Variants in CCDC171 observed in about 807,000 individuals in gnomAD.
CCDC171 encodes coiled-coil domain containing 171, also known as coiled-coil domain-containing protein 171.
CCDC171 carries 177 observed loss-of-function variants against 168.2 expected under a neutral mutation model. The ratio of observed to expected loss-of-function variants is 1.05; its 90% confidence interval spans 0.93 to 1.19. CCDC171 has a LOEUF of 1.19. Ranked by LOEUF, CCDC171 falls within the 50% of genes most tolerant of loss-of-function variation. CCDC171 has a pLI of 0.00. For synonymous variants in CCDC171, 687 were observed against 540.8 expected, an observed-to-expected ratio of 1.27 and a Z score of -3.75; for missense variants, 1,991 against 1,539.0, an observed-to-expected ratio of 1.29 and a Z score of -4.91.
At chr9:15,896,822 A>C (rs1484538565) in intron 24 of CCDC171, among the ~76,000 whole-genome samples, 1 of 152,078 alleles carries the variant, frequency 6.6e-6, no homozygotes, top group Non-Finnish European at 1.5e-5. Flanking sequence ...TAAAGGAATA[A>C]AATTCTTGTA....
chr9:15,607,616 C>G (rs1251105204), intron 6 of CCDC171, among the ~76,000 whole-genome samples: 1 of 152,010 alleles, frequency 6.6e-6, no homozygotes, highest in African/African-American at 2.4e-5. Flanking sequence ...CACGTGTCAC[C>G]ACACCTGGCT....
downstream of CCDC171, among the ~76,000 whole-genome samples, chr9:16,066,589 C>G (rs1833993333): frequency 6.8e-6 from 1 of 147,598 alleles, no homozygotes; most frequent in African/African-American, 2.5e-5. Context: ...TTAGGTATAT[C>G]TCCCGATGCT....
chr9:15,629,248 A>G (rs1010176619), intron 7 of CCDC171, among the ~76,000 whole-genome samples: 1 of 152,234 alleles, frequency 6.6e-6, no homozygotes, highest in South Asian at 2.1e-4. Context: ...ACAAGAGGAA[A>G]TTCAAACCAA....
the CCDC171 span, among the ~76,000 whole-genome samples, chr9:16,074,276 G>A: frequency 6.6e-6 from 1 of 152,180 alleles, no homozygotes; most frequent in African/African-American, 2.4e-5. Context: ...ATCTCCAACA[G>A]CATTCTCTTT....
chr9:15,736,409 C>T (rs1463056782), intron 16 of CCDC171, among the ~76,000 whole-genome samples: 4 of 151,628 alleles, frequency 2.6e-5, no homozygotes, highest in East Asian at 1.9e-4. Context: ...AGAGGTCAGT[C>T]GTGCGATCAT....
chr9:15,786,628 TGACC>T (rs1225638183), intron 21 of CCDC171, among the ~76,000 whole-genome samples: 5 of 152,146 alleles, frequency 3.3e-5, no homozygotes, highest in Non-Finnish European at 7.3e-5. Context: ...GAAACATCTG[TGACC>T]TGCACATATA....
chr9:15,880,725 C>T (rs1818535850), intron 24 of CCDC171, among the ~76,000 whole-genome samples: 2 of 151,892 alleles, frequency 1.3e-5, no homozygotes, highest in Admixed American at 6.6e-5. Context: ...ATTCACCCGC[C>T]TCAGCCTCCC....
Position 15,973,824 on chromosome 9 carries a change from T to C in CCDC171, c.*1988T>C, listed in dbSNP as rs143278997. ...TGTGATATCACTGAGCTTACAATTC[T>C]CACTAGAGAAGAACAAGGTTACTAT... On this transcript the variant is annotated 3_prime_UTR_variant, in exon 26 of 26. Coordinates refer to ENST00000380701, the MANE Select transcript of CCDC171 (RefSeq NM_173550.4). 6.6e-6 allele frequency: 1 copy of C among 152,296 alleles called. No individual in the cohort carries two copies. Among genetic ancestry groups the C allele is most frequent in the Non-Finnish European group, 1.5e-5 (1 of 68,016 alleles). 9.4% of individuals were successfully genotyped at this position (152,296 alleles called of 1,614,324 possible). A position where few individuals can be genotyped will look rare whatever the true frequency, so the allele number is the denominator to read the frequency against.
At chr9:15,692,754 C>A (rs2050906629) in intron 10 of CCDC171, among the ~76,000 whole-genome samples, 1 of 151,678 alleles carries the variant, frequency 6.6e-6, no homozygotes, top group Non-Finnish European at 1.5e-5. Context: ...ATGTGGATCT[C>A]CTGACCTCGT....
At chr9:15,584,501 T>C (rs796758858) in intron 4 of CCDC171, among the ~76,000 whole-genome samples, 34 of 152,310 alleles carry the variant, frequency 2.2e-4, no homozygotes, top group African/African-American at 8.2e-4. Flanking sequence ...TATGTTCCAA[T>C]GTAATAAACT....
intron 21 of CCDC171, among the ~76,000 whole-genome samples, chr9:15,835,316 C>A (rs1053831405): frequency 2.6e-5 from 4 of 152,038 alleles, no homozygotes; most frequent in Non-Finnish European, 5.9e-5. Flanking sequence ...GAGCAATTTC[C>A]TGTCTTTGTT....
At chr9:15,634,989 G>T (rs942691656) in intron 7 of CCDC171, among the ~76,000 whole-genome samples, 1 of 152,028 alleles carries the variant, frequency 6.6e-6, no homozygotes, top group Admixed American at 6.6e-5. Context: ...TCTTTTTTAT[G>T]CCTGAATGAT....
chr9:15,623,473 G>GTGCACACA (rs1554714865), intron 7 of CCDC171, 60 bp downstream of exon 7: 7 of 464,172 alleles, frequency 1.5e-5, no homozygotes, highest in Admixed American at 4.1e-5. Context: ...ATGCGCGCGC[G>GTGCACACA]CGCACACACA....
chr9:15,568,188 T>G (rs1199775156), intron 2 of CCDC171, among the ~76,000 whole-genome samples: 1 of 152,140 alleles, frequency 6.6e-6, no homozygotes, highest in Non-Finnish European at 1.5e-5. Flanking sequence ...TAAAGACAGT[T>G]TTACTTCTTC....
At chr9:15,674,273 G>A (rs866556558) in intron 9 of CCDC171, among the ~76,000 whole-genome samples, 3 of 152,038 alleles carry the variant, frequency 2.0e-5, no homozygotes, top group South Asian at 4.2e-4. Context: ...AATATTGCTA[G>A]CAGTCTTATC....
In CCDC171 at chr9:15,623,417, C is replaced by A. The variant is rs753646246; in HGVS notation, c.822+4C>A. 1 of 1,568,706 alleles carries A rather than the reference C, an allele frequency of 6.4e-7. No individual in the cohort carries two copies. The highest frequency in any genetic ancestry group is 8.7e-7 in the Non-Finnish European group (1 of 1,153,382). On this transcript the variant is annotated splice_donor_region_variant and intron_variant, in intron 7 of 25. Coordinates refer to ENST00000380701, the MANE Select transcript of CCDC171 (RefSeq NM_173550.4). ...ACGCCTTAGAAAAGAATTTGAGGTA[C>A]ATTTTCTCATTCCTTTATAATATAT...
chr9:15,975,532 C>G (rs1050889163), downstream of CCDC171, among the ~76,000 whole-genome samples: 2 of 152,254 alleles, frequency 1.3e-5, no homozygotes, highest in Middle Eastern at 3.4e-3. Flanking sequence ...TGGTGTCTAT[C>G]TTTCAAAGGA....
In CCDC171 at chr9:15,762,892, A is replaced by C. The variant is rs1199799113; in HGVS notation, c.2672-14708A>C. 2.0e-5 allele frequency among the ~76,000 whole-genome samples: 3 copies of C among 152,152 alleles called. No individual in the cohort carries two copies. In the East Asian group the frequency reaches 5.8e-4, roughly 29 times the overall value. ...ATAAATTTTATAAAAATGGAGTCAT[A>C]CAGTGCAAAGGAGTGTAGCTGAACT... On this transcript the variant is annotated intron_variant, in intron 18 of 25. Coordinates refer to ENST00000380701, the MANE Select transcript of CCDC171 (RefSeq NM_173550.4).
chr9:15,889,847 G>A (rs997635935), intron 24 of CCDC171, among the ~76,000 whole-genome samples: 6 of 152,182 alleles, frequency 3.9e-5, no homozygotes, highest in African/African-American at 1.4e-4. Flanking sequence ...AATTACTCTA[G>A]ATAGAGAGAG....
Sources: allele counts gnomAD v4.1 joint callset (sites outside exome capture counted in the v4.1 genomes callset), GRCh38; gene constraint gnomAD v4.1.1; transcripts MANE v1.5; gene names NCBI Gene and HGNC (gene_info 2026-07-23, HGNC 2026-07-21).